DLG2: variants seen among roughly 807,000 people sequenced by gnomAD.
DLG2 encodes the protein disks large homolog 2.
Under a neutral mutation model 132.5 loss-of-function variants are expected in DLG2, and 45 were observed. The ratio of observed to expected loss-of-function variants is 0.34; its 90% CI spans 0.27 to 0.44. DLG2 has a LOEUF of 0.44. DLG2 is among the 20% of genes least tolerant of loss of function. The pLI, the probability that DLG2 is intolerant of heterozygous loss-of-function variation, is 1.00. For synonymous variants in DLG2, 424 were observed against 419.6 expected, an observed-to-expected ratio of 1.01 and a Z score of -0.13; for missense variants, 1,045 against 1,196.9, an observed-to-expected ratio of 0.87 and a Z score of 1.87.
At chr11:84,848,058 G>A (rs1566138296) in intron 6 of DLG2, among the ~76,000 whole-genome samples, 1 of 152,126 alleles carries the variant, frequency 6.6e-6, no homozygotes, top group Admixed American at 6.5e-5. Flanking sequence ...GTCAGAGGAT[G>A]GAGCCAGAAG....
intron 3 of DLG2, among the ~76,000 whole-genome samples, chr11:85,404,761 C>A (rs541151710): frequency 6.6e-6 from 1 of 151,996 alleles, no homozygotes. Context: ...TATCAAGTTG[C>A]TCCTTCCAGT....
At chr11:83,721,518 G>A (rs778992359) in intron 18 of DLG2, among the ~76,000 whole-genome samples, 4 of 152,160 alleles carry the variant, frequency 2.6e-5, no homozygotes, top group Non-Finnish European at 5.9e-5. Context: ...ACTGGTCACT[G>A]AGCACCTGCT....
At chr11:85,515,790 T>C (rs1163806154) in intron 3 of DLG2, among the ~76,000 whole-genome samples, 3 of 151,994 alleles carry the variant, frequency 2.0e-5, no homozygotes, top group Non-Finnish European at 2.9e-5. Flanking sequence ...ATGAATCTTC[T>C]ATCCATAAAT....
intron 11 of DLG2, among the ~76,000 whole-genome samples, chr11:83,998,280 T>C (rs1377299834): frequency 1.3e-5 from 2 of 152,196 alleles, no homozygotes; most frequent in Non-Finnish European, 2.9e-5. Flanking sequence ...TAAAGCAATA[T>C]AAAATATTTT....
intron 7 of DLG2, among the ~76,000 whole-genome samples, chr11:84,295,836 C>T (rs1235284080): frequency 2.6e-5 from 4 of 152,156 alleles, no homozygotes; most frequent in Non-Finnish European, 2.9e-5. Flanking sequence ...AATTAAACCA[C>T]GACCCTTGAA....
chr11:85,359,108 T>C (rs1489085781), intron 3 of DLG2, among the ~76,000 whole-genome samples: 1 of 152,208 alleles, frequency 6.6e-6, no homozygotes, highest in Non-Finnish European at 1.5e-5. Context: ...AAGACATTGT[T>C]ATCACACGAA....
chr11:84,816,141 C>A (rs1427578002), intron 6 of DLG2, among the ~76,000 whole-genome samples: 1 of 151,986 alleles, frequency 6.6e-6, no homozygotes, highest in African/African-American at 2.4e-5. Context: ...AAATGCAACA[C>A]CTTTTTGAGT....
chr11:84,794,380 C>T (rs2074273110), intron 6 of DLG2, among the ~76,000 whole-genome samples: 1 of 152,206 alleles, frequency 6.6e-6, no homozygotes, highest in Non-Finnish European at 1.5e-5. Flanking sequence ...GGAGGTACAG[C>T]TGGGGCTGTG....
chr11:85,061,171 A>G (rs1358964678), intron 6 of DLG2, among the ~76,000 whole-genome samples: 6 of 151,686 alleles, frequency 4.0e-5, no homozygotes, highest in African/African-American at 1.2e-4. Context: ...CTCCCATTCC[A>G]TAGGTTGCCT....
intron 3 of DLG2, among the ~76,000 whole-genome samples, chr11:85,486,795 C>T (rs1019483332): frequency 3.3e-5 from 5 of 152,032 alleles, no homozygotes; most frequent in African/African-American, 1.2e-4. Context: ...GCCTGGCCCC[C>T]CCTGCTACTA....
At chr11:84,347,920 G>A (rs1253483396) in intron 7 of DLG2, among the ~76,000 whole-genome samples, 1 of 151,976 alleles carries the variant, frequency 6.6e-6, no homozygotes, top group Non-Finnish European at 1.5e-5. Context: ...AAAATATCTG[G>A]GTTTAAATCC....
At chr11:84,886,297 C>T (rs1413307817) in intron 6 of DLG2, among the ~76,000 whole-genome samples, 1 of 151,990 alleles carries the variant, frequency 6.6e-6, no homozygotes, top group Non-Finnish European at 1.5e-5. Context: ...TTTTGGGGAG[C>T]AGAAAAGACA....
intron 4 of DLG2, among the ~76,000 whole-genome samples, chr11:85,278,274 C>T (rs2078015924): frequency 6.6e-6 from 1 of 152,166 alleles, no homozygotes; most frequent in Admixed American, 6.5e-5. Flanking sequence ...CTACCTACCG[C>T]TTCAAATCTT....
At position 85,483,733 on chromosome 11, in the gene DLG2, C is replaced by T. The variant is rs190555800; in HGVS notation, c.40+114924G>A. Among the ~76,000 whole-genome samples the T allele has an allele frequency of 2.1e-3, 312 of 152,060 alleles. 1 individual carries two copies. The highest frequency in any genetic ancestry group is 6.9e-3 in the African/African-American group (286 of 41,470). On this transcript the variant is annotated intron_variant, in intron 3 of 27. Transcript: ENST00000376104. ...CCAAGGCAGGTAGATCACTTGAGGTCAGGAGTTCAAGACCAGCCTGGCCAA... is the reference window on the plus strand; with the variant it reads ...CCAAGGCAGGTAGATCACTTGAGGTTAGGAGTTCAAGACCAGCCTGGCCAA...
At chr11:84,285,815 G>A (rs931940643) in intron 7 of DLG2, among the ~76,000 whole-genome samples, 1 of 152,070 alleles carries the variant, frequency 6.6e-6, no homozygotes, top group Non-Finnish European at 1.5e-5. Context: ...ACTTCATTAT[G>A]GATAAAAACT....
intron 2 of DLG2, among the ~76,000 whole-genome samples, chr11:85,616,910 G>A (rs1043978438): frequency 7.2e-5 from 11 of 152,140 alleles, no homozygotes; most frequent in African/African-American, 2.4e-4. Flanking sequence ...CAAACCAGAC[G>A]AGAAAGAGCT....
chr11:84,791,660 T>G (rs1430462526), intron 6 of DLG2, among the ~76,000 whole-genome samples: 1 of 152,110 alleles, frequency 6.6e-6, no homozygotes, highest in Non-Finnish European at 1.5e-5. Context: ...TTTTGCTTCT[T>G]TGACTAATTC....
chr11:83,795,325 G>A (rs1264826649), intron 17 of DLG2, among the ~76,000 whole-genome samples: 8 of 152,066 alleles, frequency 5.3e-5, no homozygotes, highest in East Asian at 1.9e-4. Flanking sequence ...GGAGAATGGC[G>A]TGAACATGGG....
chr11:85,250,388 T>C (rs2076339992), intron 4 of DLG2, among the ~76,000 whole-genome samples: 1 of 152,230 alleles, frequency 6.6e-6, no homozygotes, highest in Non-Finnish European at 1.5e-5. Flanking sequence ...TCTTTTAGCA[T>C]ATTATCATAG....
Sources: gnomAD v4.1 joint callset for allele counts (sites outside exome capture counted in the v4.1 genomes callset) on GRCh38, gnomAD v4.1.1 for gene constraint, MANE v1.5 for transcripts, NCBI Gene and HGNC (gene_info 2026-07-23, HGNC 2026-07-21) for gene names.